PTPRN2: variants seen among roughly 807,000 people sequenced by gnomAD.
PTPRN2 encodes protein tyrosine phosphatase receptor type N2.
In PTPRN2, 74 loss-of-function variants were observed where a neutral mutation model predicts 118.8. The ratio of observed to expected loss-of-function variants is 0.62; its 90% CI spans 0.52 to 0.76. The LOEUF is 0.76. PTPRN2 is among the 30% of genes least tolerant of loss of function. The pLI, the probability that PTPRN2 is intolerant of heterozygous loss-of-function variation, is 0.00. For missense variants in PTPRN2, 1,481 were observed against 1,394.4 expected, an observed-to-expected ratio of 1.06 and a Z score of -0.99; for synonymous variants, 641 against 608.0, an observed-to-expected ratio of 1.05 and a Z score of -0.80.
At position 157,831,492 on chromosome 7, in the gene PTPRN2, G is replaced by A. The variant is rs1807562937; in HGVS notation, c.1788+67181C>T. Among the ~76,000 whole-genome samples the A allele has an allele frequency of 6.6e-6, 1 of 152,156 alleles. No individual in the cohort carries two copies. Among genetic ancestry groups the A allele is most frequent in the African/African-American group, 2.4e-5 (1 of 41,444 alleles). ...GGGGCTGGGGCTGGGAGACGGAGCT[G>A]CCCTCCCCATCCCTGTCCACGGCCC... On this transcript the variant is annotated intron_variant, in intron 12 of 22. Coordinates refer to ENST00000389418, the MANE Select transcript of PTPRN2 (RefSeq NM_002847.5). The surrounding 1 kb of genome is among the most constrained non-coding windows in gnomAD (Gnocchi z 4.8).
Position 157,576,612 on chromosome 7 carries a change from C to T in PTPRN2, c.2783+1G>A. ...CCCTGCCGGCGGGCCGCGCGTCATA[C>T]CTGCGGAAGTCCAGGAGGGACCTTG... On this transcript the variant is annotated splice_donor_variant, in intron 19 of 22. Transcript: ENST00000389418. LOFTEE classifies it high-confidence loss of function. The T allele has an allele frequency of 6.2e-7, 1 of 1,608,344 alleles. No homozygotes were observed. Among genetic ancestry groups the T allele is most frequent in the South Asian group, 1.1e-5 (1 of 90,122 alleles).
intron 11 of PTPRN2, among the ~76,000 whole-genome samples, chr7:158,047,011 A>G (rs1006245539): frequency 2.0e-5 from 3 of 152,188 alleles, no homozygotes; most frequent in African/African-American, 7.2e-5. Flanking sequence ...AGCGGCTGCG[A>G]GGGAGGCCTG....
At chr7:158,151,825 G>A (rs1216928086) in intron 6 of PTPRN2, among the ~76,000 whole-genome samples, 1 of 152,180 alleles carries the variant, frequency 6.6e-6, no homozygotes, top group African/African-American at 2.4e-5. Context: ...CATGAGCAAA[G>A]TCCTTGCTTT....
At chr7:157,988,583 C>A (rs1394521112) in intron 11 of PTPRN2, among the ~76,000 whole-genome samples, 1 of 152,232 alleles carries the variant, frequency 6.6e-6, no homozygotes, top group African/African-American at 2.4e-5. Context: ...TAAGTAACAA[C>A]AGTGAGTCAG....
chr7:158,440,770 G>C (rs1816951662), intron 2 of PTPRN2, among the ~76,000 whole-genome samples: 1 of 140,228 alleles, frequency 7.1e-6, no homozygotes, highest in Admixed American at 7.3e-5. Flanking sequence ...GGTGATGTTA[G>C]TGATAGTGGT....
intron 13 of PTPRN2, among the ~76,000 whole-genome samples, chr7:157,662,865 C>T (rs538673072): frequency 3.9e-5 from 6 of 152,166 alleles, no homozygotes; most frequent in African/African-American, 7.2e-5. Context: ...CATTGCCGAC[C>T]GTGTGCTTCT....
At chr7:157,909,126 G>A (rs555383389) in intron 11 of PTPRN2, among the ~76,000 whole-genome samples, 1 of 152,096 alleles carries the variant, frequency 6.6e-6, no homozygotes, top group East Asian at 1.9e-4. Flanking sequence ...CCCATCGAGA[G>A]AACATCACTA....
intron 14 of PTPRN2, among the ~76,000 whole-genome samples, chr7:157,656,085 T>G: frequency 1.3e-5 from 2 of 149,404 alleles, no homozygotes; most frequent in Non-Finnish European, 1.5e-5. Context: ...AAATAGCGGG[T>G]GCTCACTCTT....
chr7:158,356,023 T>C (rs1273492681), intron 2 of PTPRN2, among the ~76,000 whole-genome samples: 3 of 152,206 alleles, frequency 2.0e-5, no homozygotes, highest in African/African-American at 4.8e-5. Context: ...TTTTTTATTA[T>C]TATGGAAAAT....
At chr7:157,684,388 A>G (rs1797062412) in intron 12 of PTPRN2, among the ~76,000 whole-genome samples, 1 of 111,512 alleles carries the variant, frequency 9.0e-6, no homozygotes, top group Non-Finnish European at 1.8e-5. Context: ...AGGGGGAGGG[A>G]GAGGGAAAGG....
intron 11 of PTPRN2, among the ~76,000 whole-genome samples, chr7:157,943,543 G>A (rs6946154): frequency 0.52 from 78,827 of 151,090 alleles, 21,436 homozygotes; most frequent in East Asian, 0.66. Flanking sequence ...AGGAGGCCCT[G>A]GACACCAAGA....
chr7:158,141,865 G>A (rs6459842), intron 6 of PTPRN2, among the ~76,000 whole-genome samples: 52,100 of 152,044 alleles, frequency 0.34, 9,412 homozygotes, highest in African/African-American at 0.45. Flanking sequence ...GGGATGAAGC[G>A]GACAGAGTCC....
At chr7:157,966,410 G>A (rs1361317904) in intron 11 of PTPRN2, among the ~76,000 whole-genome samples, 6 of 146,418 alleles carry the variant, frequency 4.1e-5, no homozygotes, top group African/African-American at 1.0e-4. Context: ...CACCATCATC[G>A]CCATCTTTAT....
intron 11 of PTPRN2, among the ~76,000 whole-genome samples, chr7:158,039,232 T>C (rs905398452): frequency 6.6e-6 from 1 of 152,224 alleles, no homozygotes; most frequent in Non-Finnish European, 1.5e-5. Context: ...CTTGAAAGGA[T>C]AGCTACAGCA....
chr7:158,431,456 G>GACACACACTGGCTCACACTGA (rs1816177561), intron 2 of PTPRN2, among the ~76,000 whole-genome samples: 1 of 2,560 alleles, frequency 3.9e-4, no homozygotes, highest in Non-Finnish European at 1.1e-3. Context: ...TGCCTCACAC[G>GACACACACTGGCTCACACTGA]ACACACACTG....
chr7:158,315,775 G>A (rs545214572), intron 3 of PTPRN2, among the ~76,000 whole-genome samples: 5 of 152,364 alleles, frequency 3.3e-5, no homozygotes, highest in South Asian at 4.1e-4. Flanking sequence ...TTAGATAGAC[G>A]TCTATGAAGT....
In PTPRN2 at chr7:158,093,801, A is replaced by G. The variant is rs937957060; in HGVS notation, c.1644-12424T>C. 6.6e-6 allele frequency among the ~76,000 whole-genome samples: 1 copy of G among 152,202 alleles called. No individual in the cohort carries two copies. The highest frequency in any genetic ancestry group is 1.5e-5 in the Non-Finnish European group (1 of 68,038). On this transcript the variant is annotated intron_variant, in intron 10 of 22. Coordinates refer to ENST00000389418, the MANE Select transcript of PTPRN2 (RefSeq NM_002847.5). The surrounding 1 kb of genome is among the most constrained non-coding windows in gnomAD (Gnocchi z 4.4). ...AATAACTTCCCAAAATATCTAGCCTAAGAGCTTACAAAGGAGGAAGAAGAG... is the reference window on the plus strand; with the variant it reads ...AATAACTTCCCAAAATATCTAGCCTGAGAGCTTACAAAGGAGGAAGAAGAG...
intron 12 of PTPRN2, among the ~76,000 whole-genome samples, chr7:157,717,565 C>T (rs1199868350): frequency 1.3e-5 from 2 of 152,258 alleles, no homozygotes; most frequent in South Asian, 2.1e-4. Flanking sequence ...AGAAAGAGCT[C>T]GGAGGTCTAT....
chr7:158,146,607 G>C (rs965690795), intron 6 of PTPRN2, among the ~76,000 whole-genome samples: 8 of 150,376 alleles, frequency 5.3e-5, no homozygotes, highest in African/African-American at 1.7e-4. Context: ...TGTAGTCCCA[G>C]CTACTCAGGA....
Sources: gnomAD v4.1 joint callset for allele counts (sites outside exome capture counted in the v4.1 genomes callset) on GRCh38, gnomAD v4.1.1 for gene constraint, Gnocchi (gnomAD v3.1) non-coding constraint, MANE v1.5 for transcripts, NCBI Gene and HGNC (gene_info 2026-07-23, HGNC 2026-07-21) for gene names.